Variants in CAPN7 observed in about 807,000 individuals in gnomAD.
CAPN7 encodes calpain-7.
A neutral mutation model predicts 115.2 loss-of-function variants in CAPN7; 72 were observed. The ratio of observed to expected loss-of-function variants is 0.63; its 90% CI spans 0.52 to 0.76. The LOEUF (loss-of-function observed/expected upper bound fraction) is 0.76, where lower values mean the gene tolerates loss of function less well. CAPN7 is among the 30% of genes least tolerant of loss of function. CAPN7 has a pLI of 0.00. For synonymous variants in CAPN7, 344 were observed against 322.3 expected (o/e 1.07, Z -0.72); for missense variants, 905 against 971.5 (o/e 0.93, Z 0.91).
rs1028139809 is a variant in CAPN7 at position 15,206,459 on chromosome 3, G to T, written c.-37G>T. 1.4e-6 allele frequency: 2 copies of T among 1,475,630 alleles called. No homozygotes were observed. Among genetic ancestry groups the T allele is most frequent in the Admixed American group, 4.0e-5 (2 of 50,116 alleles). The allele number at this position is 1,475,630 out of a possible 1,614,324, so 91.4% of individuals were successfully genotyped here. A position where few individuals can be genotyped will look rare whatever the true frequency, so the allele number is the denominator to read the frequency against. On this transcript the variant is annotated 5_prime_UTR_variant, in exon 1 of 21. Transcript: ENST00000253693. Reference sequence around the variant, plus strand: ...TCCGCGAAGAGCCGTCCTGCGTCAGGGCCTCCTTCCCTGCCCCGGCGCGGG... The same window carrying T: ...TCCGCGAAGAGCCGTCCTGCGTCAGTGCCTCCTTCCCTGCCCCGGCGCGGG...
intron 12 of CAPN7, among the ~76,000 whole-genome samples, chr3:15,240,036 G>C (rs7623378): frequency 0.1 from 15,387 of 152,226 alleles, 2,650 homozygotes; most frequent in African/African-American, 0.35. Context: ...ATAAAGTGGA[G>C]CCAGAGTAGA....
intron 9 of CAPN7, among the ~76,000 whole-genome samples, chr3:15,231,216 G>A (rs1694667196): frequency 6.6e-6 from 1 of 152,114 alleles, no homozygotes; most frequent in South Asian, 2.1e-4. Flanking sequence ...AGTATGCACA[G>A]AATCACCTGG....
intron 1 of CAPN7, chr3:15,210,903 C>A: frequency 7.9e-6 from 10 of 1,269,822 alleles, no homozygotes; most frequent in Non-Finnish European, 1.0e-5. Flanking sequence ...AGTGTACACG[C>A]TTGGGTTACT....
At chr3:15,240,898 C>T (rs756475790) in intron 14 of CAPN7, 45 bp downstream of exon 14, 14 of 1,190,730 alleles carry the variant, frequency 1.2e-5, no homozygotes, top group Non-Finnish European at 1.6e-5. Context: ...ATAGCATCCA[C>T]TTTCCTCACT....
At chr3:15,234,032 C>A in intron 11 of CAPN7, 59 bp downstream of exon 11, 1 of 960,086 alleles carries the variant, frequency 1.0e-6, no homozygotes, top group South Asian at 1.4e-5. Flanking sequence ...AAACATCATG[C>A]TGGCTGGGCG....
chr3:15,247,905 C>G (rs1001426584), intron 19 of CAPN7, among the ~76,000 whole-genome samples: 1 of 152,096 alleles, frequency 6.6e-6, no homozygotes, highest in Admixed American at 6.5e-5. Context: ...AATCATCATT[C>G]TCAGTAAACT....
chr3:15,234,042 G>C lies in CAPN7; in HGVS notation c.1286+69G>C, dbSNP rs978300843. The C allele has an allele frequency of 5.8e-6, 5 of 858,808 alleles. No individual in the cohort carries two copies. The Middle Eastern group carries it at 8.0e-4, about 138-fold the overall frequency. The allele number at this position is 858,808 out of a possible 1,614,324, so 53.2% of individuals were successfully genotyped here. ...TTTAAAAACATCATGCTGGCTGGGC[G>C]TGGTGGGTCATGCCTGTAATCCCAG... On this transcript the variant is annotated intron_variant, in intron 11 of 20. Coordinates refer to ENST00000253693, the MANE Select transcript of CAPN7 (RefSeq NM_014296.3).
chr3:15,234,228 A>G (rs1451565815), intron 11 of CAPN7, among the ~76,000 whole-genome samples: 1 of 152,220 alleles, frequency 6.6e-6, no homozygotes, highest in African/African-American at 2.4e-5. Flanking sequence ...AGGCAGGAGA[A>G]TCGCTTGAAC....
At chr3:15,222,752 G>A in intron 5 of CAPN7, among the ~76,000 whole-genome samples, 1 of 152,264 alleles carries the variant, frequency 6.6e-6, no homozygotes, top group Middle Eastern at 3.4e-3. Flanking sequence ...TCCTTCATGC[G>A]AGTGAAAAGT....
At chr3:15,218,701 C>G (rs1288977202) in intron 4 of CAPN7, among the ~76,000 whole-genome samples, 161 bp downstream of exon 4, 1 of 152,242 alleles carries the variant, frequency 6.6e-6, no homozygotes, top group Non-Finnish European at 1.5e-5. Flanking sequence ...TACCTCCTCT[C>G]TCTAGTTCCC....
At chr3:15,249,845 A>G (rs1575260137) in intron 19 of CAPN7, among the ~76,000 whole-genome samples, 1 of 149,544 alleles carries the variant, frequency 6.7e-6, no homozygotes, top group Admixed American at 6.7e-5. Context: ...GCTCACTGCA[A>G]CCTCCGCCTC....
rs766984787 is a variant in CAPN7, at chr3:15,241,496, C to T, written c.1696C>T (p.Leu566=). ...AGGACCTGTGAAAGATGCCTATAGC[C>T]TGGCCAACAACCCCCAGTACAAACT... The part of the protein sequence containing the change: ...KQGPVKDAYS[L]ANNPQYKLEV... The change falls in exon 15 of 21, where the codon CTG becomes TTG. Residue 566 remains leucine (L), a synonymous_variant. Coordinates refer to ENST00000253693, the MANE Select transcript of CAPN7 (RefSeq NM_014296.3). 6.2e-7 allele frequency: 1 copy of T among 1,614,066 alleles called. No individual in the cohort carries two copies. The highest frequency in any genetic ancestry group is 1.1e-5 in the South Asian group (1 of 91,078).
chr3:15,230,502 G>A lies in CAPN7; in HGVS notation c.999G>A (p.Met333Ile). ...EPEYNPCGKY[M>I]VKLHLNGVPR... ...AATACAATCCATGTGGGAAGTATATGGTAAAACTTCACCTCAATGGTGTCC... is the reference window on the plus strand; with the variant it reads ...AATACAATCCATGTGGGAAGTATATAGTAAAACTTCACCTCAATGGTGTCC... The change falls in exon 9 of 21, where the codon ATG (methionine) becomes ATA (isoleucine). Residue 333 changes from methionine (M) to isoleucine (I), a missense_variant. By Grantham distance (10) the Met-to-Ile change is conservative (BLOSUM62 1). Transcript: ENST00000253693. 2 of 1,612,292 alleles carry A rather than the reference G, an allele frequency of 1.2e-6. No homozygotes were observed. The highest frequency in any genetic ancestry group is 1.7e-6 in the Non-Finnish European group (2 of 1,178,564).
intron 2 of CAPN7, among the ~76,000 whole-genome samples, chr3:15,214,259 T>G (rs1441661178): frequency 2.6e-5 from 4 of 152,170 alleles, no homozygotes; most frequent in African/African-American, 9.7e-5. Context: ...GAGTATAATC[T>G]CTAGACAATT....
rs770400520 is a variant in CAPN7 at position 15,212,126 on chromosome 3, A to G, written c.125A>G (p.Tyr42Cys). The G allele has an allele frequency of 6.2e-7, 1 of 1,609,662 alleles. No homozygotes were observed. ...TAGGAAGCTGCACAAGCCTTAATTT[A>G]TGCTGAGATGGCAGGATCAAGCCTA... ...YYKEAAQALI[Y>C]AEMAGSSLEN... is the part of the protein sequence containing the mutation. The change falls in exon 2 of 21, where the codon TAT (tyrosine) becomes TGT (cysteine). Residue 42 changes from tyrosine to cysteine, a missense_variant. Around this residue, in one of 3 missense-constraint regions of CAPN7, gnomAD observed 271 missense variants for 239.6 expected, o/e 1.13. Coordinates refer to ENST00000253693, the MANE Select transcript of CAPN7 (RefSeq NM_014296.3).
chr3:15,239,309 A>G (rs1422294689), intron 12 of CAPN7, among the ~76,000 whole-genome samples: 1 of 152,258 alleles, frequency 6.6e-6, no homozygotes, highest in Non-Finnish European at 1.5e-5. Flanking sequence ...GATTTATGAT[A>G]TCATTAGAAA....
At chr3:15,234,905 T>A in intron 11 of CAPN7, 120 bp from the exon 12 acceptor site, 1 of 668,226 alleles carries the variant, frequency 1.5e-6, no homozygotes, top group Non-Finnish European at 2.4e-6. Context: ...TTTTTGAAAA[T>A]TCTTCAGGGG....
At chr3:15,225,525 G>A (rs796465260) in intron 6 of CAPN7, among the ~76,000 whole-genome samples, 2 of 152,270 alleles carry the variant, frequency 1.3e-5, no homozygotes, top group African/African-American at 4.8e-5. Flanking sequence ...AGTTTTCAAG[G>A]AATGTAATAA....
chr3:15,217,710 A>C, intron 3 of CAPN7, 128 bp downstream of exon 3: 6 of 656,614 alleles, frequency 9.1e-6, no homozygotes, highest in Non-Finnish European at 1.4e-5. Flanking sequence ...TAAATGTAAC[A>C]ACTACTCCTC....
Sources: gnomAD v4.1 joint callset for allele counts (sites outside exome capture counted in the v4.1 genomes callset) on GRCh38, gnomAD v4.1.1 for gene constraint, gnomAD v4.1.1 regional missense constraint, MANE v1.5 for transcripts, NCBI Gene and HGNC (gene_info 2026-07-23, HGNC 2026-07-21) for gene names.